LINGO2: variants seen among roughly 807,000 people sequenced by gnomAD.
The protein encoded by LINGO2 is leucine rich repeat and Ig domain containing 2.
Under a neutral mutation model 30.6 loss-of-function variants are expected in LINGO2, and 14 were observed. The observed-to-expected ratio is 0.46, with a 90% CI of 0.30 to 0.72. The LOEUF is 0.72. Ranked by LOEUF, LINGO2 falls within the 30% of genes least tolerant of loss-of-function variation. The pLI, the probability that LINGO2 is intolerant of heterozygous loss-of-function variation, is 0.07. For synonymous variants in LINGO2, 317 were observed against 288.5 expected, an observed-to-expected ratio of 1.10 and a Z score of -1.00; for missense variants, 729 against 751.7, an observed-to-expected ratio of 0.97 and a Z score of 0.35.
At chr9:28,753,171 A>G in the LINGO2 span, among the ~76,000 whole-genome samples, 10 of 151,968 alleles carry the variant, frequency 6.6e-5, no homozygotes, top group African/African-American at 2.2e-4. Flanking sequence ...ACAGGTCTAC[A>G]CTTATACTCC....
At chr9:28,612,266 T>C (rs1825952136) in intron 1 of LINGO2, among the ~76,000 whole-genome samples, 1 of 152,150 alleles carries the variant, frequency 6.6e-6, no homozygotes, top group Non-Finnish European at 1.5e-5. Flanking sequence ...TCTTGCTATA[T>C]TGTGTAGGCT....
intron 1 of LINGO2, among the ~76,000 whole-genome samples, chr9:28,533,211 A>G (rs1297180730): frequency 6.6e-6 from 1 of 152,076 alleles, no homozygotes; most frequent in African/African-American, 2.4e-5. Context: ...CTGTCCTAGA[A>G]CATCAGACTC....
chr9:28,552,165 T>C (rs1398886082), intron 1 of LINGO2, among the ~76,000 whole-genome samples: 1 of 151,986 alleles, frequency 6.6e-6, no homozygotes, highest in African/African-American at 2.4e-5. Context: ...GCCCTCCTGA[T>C]AAATCTCATC....
the LINGO2 span, among the ~76,000 whole-genome samples, chr9:28,958,752 G>A: frequency 2.6e-5 from 4 of 152,080 alleles, no homozygotes; most frequent in African/African-American, 9.7e-5. Context: ...AGGGAGGGGG[G>A]AGAGGGAGAG....
chr9:28,776,561 G>A, the LINGO2 span, among the ~76,000 whole-genome samples: 7,873 of 152,180 alleles, frequency 0.052, 305 homozygotes, highest in Middle Eastern at 0.082. Context: ...AAAATATTAT[G>A]AGCTGGTAAC....
intron 4 of LINGO2, among the ~76,000 whole-genome samples, chr9:28,275,540 T>C (rs780111634): frequency 6.6e-6 from 1 of 152,166 alleles, no homozygotes; most frequent in East Asian, 1.9e-4. Flanking sequence ...TCTTAACTCT[T>C]ACACTCCTCC....
At chr9:28,728,038 T>C in the LINGO2 span, among the ~76,000 whole-genome samples, 2 of 152,256 alleles carry the variant, frequency 1.3e-5, no homozygotes, top group Non-Finnish European at 1.5e-5. Flanking sequence ...ACTGCTGAGG[T>C]ACTACTAAGA....
chr9:28,160,705 A>AT (rs1828261692), intron 4 of LINGO2, among the ~76,000 whole-genome samples: 1 of 151,976 alleles, frequency 6.6e-6, no homozygotes, highest in African/African-American at 2.4e-5. Context: ...TTTTTTCCCT[A>AT]TTTTTTGTTA....
intron 1 of LINGO2, among the ~76,000 whole-genome samples, chr9:28,545,443 A>G (rs917644420): frequency 6.6e-6 from 1 of 152,212 alleles, no homozygotes; most frequent in African/African-American, 2.4e-5. Context: ...CTTATGAAAG[A>G]GAGCAAAGGT....
the LINGO2 span, among the ~76,000 whole-genome samples, chr9:28,940,374 A>G: frequency 1.3e-5 from 2 of 152,132 alleles, no homozygotes; most frequent in Non-Finnish European, 1.5e-5. Context: ...GGGTGATCCT[A>G]GAAGACACAT....
chr9:27,943,406 A>G (rs9785264), downstream of LINGO2: 1 of 152,176 alleles, frequency 6.6e-6, no homozygotes, highest in South Asian at 2.1e-4. Context: ...TAAAATGTGA[A>G]GTACTCTCTT....
At chr9:29,056,411 T>C in the LINGO2 span, among the ~76,000 whole-genome samples, 1 of 152,174 alleles carries the variant, frequency 6.6e-6, no homozygotes, top group Non-Finnish European at 1.5e-5. Context: ...GAACTGTCTA[T>C]TAATGTCCTT....
intron 1 of LINGO2, among the ~76,000 whole-genome samples, chr9:28,667,113 G>T (rs1024555514): frequency 6.6e-6 from 1 of 152,084 alleles, no homozygotes; most frequent in East Asian, 1.9e-4. Flanking sequence ...TGCATGCTCC[G>T]TGAGAAGTAC....
chr9:28,345,396 T>C lies in LINGO2; in HGVS notation c.-246+27440A>G, dbSNP rs78724186. On this transcript the variant is annotated intron_variant, in intron 3 of 5. Transcript: ENST00000379992. Reference sequence around the variant, plus strand: ...ATGAACTGAAAAAGTTTGAAAGCCTTTGGTCAATCCATTAACTAGTACACA... The same window carrying C: ...ATGAACTGAAAAAGTTTGAAAGCCTCTGGTCAATCCATTAACTAGTACACA... 7.0e-3 allele frequency among the ~76,000 whole-genome samples: 1,060 copies of C among 152,266 alleles called. 17 individuals carry two copies. The highest frequency in any genetic ancestry group is 0.024 in the African/African-American group (1,010 of 41,558).
At chr9:28,807,022 C>CATT in the LINGO2 span, among the ~76,000 whole-genome samples, 10 of 150,418 alleles carry the variant, frequency 6.6e-5, no homozygotes, top group East Asian at 1.4e-3. Context: ...TTATAATTAT[C>CATT]ATTATTATTA....
intron 2 of LINGO2, among the ~76,000 whole-genome samples, chr9:28,434,861 T>G (rs1160802120): frequency 6.6e-6 from 1 of 152,166 alleles, no homozygotes; most frequent in Admixed American, 6.5e-5. Flanking sequence ...GGAACACTTG[T>G]ACAAAAGAAG....
At chr9:28,351,264 A>G (rs780433879) in intron 3 of LINGO2, among the ~76,000 whole-genome samples, 28,359 of 143,334 alleles carry the variant, frequency 0.2, 2,953 homozygotes, top group Middle Eastern at 0.39. Flanking sequence ...AAGACTAATA[A>G]AGAAAAAAAG....
the LINGO2 span, among the ~76,000 whole-genome samples, chr9:28,684,175 C>CTTTTTTTTTTTTT: frequency 6.6e-5 from 3 of 45,438 alleles, no homozygotes; most frequent in African/African-American, 8.7e-5. Context: ...AAATGTTTAT[C>CTTTTTTTTTTTTT]TTTTTTTTTT....
chr9:28,248,535 T>A (rs149174751), intron 4 of LINGO2, among the ~76,000 whole-genome samples: 1 of 152,154 alleles, frequency 6.6e-6, no homozygotes, highest in Non-Finnish European at 1.5e-5. Flanking sequence ...AAAGAATGAA[T>A]AAGACCTAGT....
Sources: allele counts gnomAD v4.1 joint callset (sites outside exome capture counted in the v4.1 genomes callset), GRCh38; gene constraint gnomAD v4.1.1; transcripts MANE v1.5; gene names NCBI Gene and HGNC (gene_info 2026-07-23, HGNC 2026-07-21).